Variants in GUCA1C observed in about 807,000 individuals in gnomAD.
GUCA1C encodes guanylyl cyclase-activating protein 3.
Under a neutral mutation model 16.2 loss-of-function variants are expected in GUCA1C, and 15 were observed. The observed-to-expected ratio is 0.93, with a 90% CI of 0.62 to 1.43. The LOEUF is 1.43. Ranked by LOEUF, GUCA1C falls within the 40% of genes most tolerant of loss-of-function variation. The probability of loss-of-function intolerance (pLI) is 0.00; values close to 1 mark genes in which losing one functional copy is unlikely to be tolerated. For synonymous variants in GUCA1C, 78 were observed against 85.4 expected (o/e 0.91, Z 0.48); for missense variants, 275 against 244.8 (o/e 1.12, Z -0.82).
intron 1 of GUCA1C, among the ~76,000 whole-genome samples, chr3:108,938,169 A>G (rs1946748251): frequency 6.6e-6 from 1 of 152,232 alleles, no homozygotes; most frequent in Non-Finnish European, 1.5e-5. Flanking sequence ...TCCATCTCCA[A>G]CAAAAATTCA....
intron 1 of GUCA1C, among the ~76,000 whole-genome samples, chr3:108,928,361 G>A (rs1013049356): frequency 3.9e-5 from 6 of 152,146 alleles, no homozygotes; most frequent in Non-Finnish European, 7.3e-5. Context: ...CATCAGCTAT[G>A]TTTTTTGCAG....
intron 1 of GUCA1C, among the ~76,000 whole-genome samples, chr3:108,942,575 C>A (rs564526196): frequency 3.9e-5 from 6 of 152,298 alleles, no homozygotes; most frequent in Non-Finnish European, 7.3e-5. Context: ...TTTTTCTATT[C>A]TTACCTGCCC....
rs1265768088 is a variant in GUCA1C, at chr3:108,953,648, C to T, written c.115G>A (p.Glu39Lys). 1 of 1,613,076 alleles carries T rather than the reference C, an allele frequency of 6.2e-7. No individual in the cohort carries two copies. The change falls in exon 1 of 4, where the codon GAA becomes AAA. Residue 39 changes from glutamate to lysine, a missense_variant. By Grantham distance (56) the Glu-to-Lys change is moderately conservative. Transcript: ENST00000261047. ...EYPSGLQTLHEFKTLLGLQGL... is the reference protein window; with the variant it reads ...EYPSGLQTLHKFKTLLGLQGL... Reference sequence around the variant, plus strand: ...TGCAGACCCAAAAGTGTCTTAAATTCATGTAGTGTTTGCAGGCCGGATGGA... The same window carrying T: ...TGCAGACCCAAAAGTGTCTTAAATTTATGTAGTGTTTGCAGGCCGGATGGA...
At position 108,932,323 on chromosome 3, in the gene GUCA1C, CAAAAAAA is replaced by C. The variant is rs71106610; in HGVS notation, c.205-11745_205-11739del. On this transcript the variant is annotated intron_variant, in intron 1 of 3. Coordinates refer to ENST00000261047, the MANE Select transcript of GUCA1C (RefSeq NM_005459.4). ...ACATGCAGATTCCTAGACCTCCCAC[CAAAAAAA>C]AAAAAAAAACAAAAAAAAAAAACAG... Among the ~76,000 whole-genome samples, 332 of 102,062 alleles carry C rather than the reference CAAAAAAA, an allele frequency of 3.3e-3. 2 individuals are homozygous for C. Among genetic ancestry groups the C allele is most frequent in the African/African-American group, 0.011 (293 of 25,524 alleles). 67.0% of individuals were successfully genotyped at this position (102,062 alleles called of 152,430 possible). A position where few individuals can be genotyped will look rare whatever the true frequency, so the allele number is the denominator to read the frequency against.
At chr3:108,936,907 G>T (rs931201058) in intron 1 of GUCA1C, among the ~76,000 whole-genome samples, 5 of 152,116 alleles carry the variant, frequency 3.3e-5, no homozygotes, top group African/African-American at 1.2e-4. Flanking sequence ...CTCCTTCAGT[G>T]CCATCTGGCT....
At chr3:108,954,767 C>G (rs1393743220), upstream of GUCA1C, among the ~76,000 whole-genome samples, 1 of 145,200 alleles carries the variant, frequency 6.9e-6, no homozygotes, top group Admixed American at 7.0e-5. Flanking sequence ...GATGGAGTCT[C>G]GCTCTGTCCC....
In GUCA1C at chr3:108,916,145, T is replaced by A. The variant is rs924742881; in HGVS notation, c.424A>T (p.Ile142Phe). The A allele has an allele frequency of 1.2e-6, 2 of 1,612,722 alleles. No homozygotes were observed. The highest frequency in any genetic ancestry group is 1.7e-6 in the Non-Finnish European group (2 of 1,178,790). ...EEFINLVFHK[I>F]DINNDGELTL... ...CCATTACCATCATTGTTTATATCGA[T>A]CTTATGGAACACCAAGTTGATGAAT... is the stretch of plus-strand genomic sequence containing the variant. The change falls in exon 3 of 4, where the codon ATC (isoleucine) becomes TTC (phenylalanine). Residue 142 changes from isoleucine (I) to phenylalanine (F), a missense_variant. Transcript: ENST00000261047.
intron 1 of GUCA1C, among the ~76,000 whole-genome samples, chr3:108,937,179 CT>C (rs1946735255): frequency 6.6e-6 from 1 of 152,186 alleles, no homozygotes; most frequent in South Asian, 2.1e-4. Flanking sequence ...CCACAGCTGG[CT>C]TTTGCTGTGC....
intron 1 of GUCA1C, among the ~76,000 whole-genome samples, chr3:108,927,690 G>T (rs1046322650): frequency 5.9e-5 from 9 of 152,044 alleles, no homozygotes; most frequent in African/African-American, 1.9e-4. Context: ...GTGCTTCCTT[G>T]ATTAGCTTAA....
At chr3:108,924,645 C>G (rs1235634746) in intron 1 of GUCA1C, among the ~76,000 whole-genome samples, 1 of 152,034 alleles carries the variant, frequency 6.6e-6, no homozygotes, top group Non-Finnish European at 1.5e-5. Flanking sequence ...TAGGGTGATA[C>G]TGGCTTAATA....
chr3:108,942,030 C>T (rs931751770), intron 1 of GUCA1C, among the ~76,000 whole-genome samples: 2 of 152,178 alleles, frequency 1.3e-5, no homozygotes, highest in African/African-American at 4.8e-5. Flanking sequence ...CAATTCTCAA[C>T]TCCTTTGTTA....
At chr3:108,931,809 G>A (rs1946668718) in intron 1 of GUCA1C, among the ~76,000 whole-genome samples, 1 of 151,062 alleles carries the variant, frequency 6.6e-6, no homozygotes, top group African/African-American at 2.4e-5. Flanking sequence ...ATGCAATAGA[G>A]AAAGCCCAAA....
chr3:108,954,735 CTT>C (rs35104093), upstream of GUCA1C, among the ~76,000 whole-genome samples: 22,188 of 128,630 alleles, frequency 0.17, 1,454 homozygotes, highest in Middle Eastern at 0.24. Flanking sequence ...TATAGTTCTC[CTT>C]TTTTTTTTTT....
intron 1 of GUCA1C, among the ~76,000 whole-genome samples, chr3:108,939,324 CTTTTTTTTT>C (rs549981150): frequency 2.1e-4 from 7 of 32,912 alleles, no homozygotes; most frequent in Admixed American, 4.5e-4. Context: ...TGCTTCAAGG[CTTTTTTTTT>C]TTTTTTTTTT....
In GUCA1C at chr3:108,930,456, T is replaced by A. The variant is rs185227952; in HGVS notation, c.205-9871A>T. Among the ~76,000 whole-genome samples, 362 of 152,382 alleles carry A rather than the reference T, an allele frequency of 2.4e-3. 1 individual carries two copies. Among genetic ancestry groups the A allele is most frequent in the Non-Finnish European group, 3.9e-3 (266 of 68,038 alleles). ...GGCTATTTGGCTTTTTAAAAGTTTT[T>A]AAAAATAAGATTACCACAATATTTC... On this transcript the variant is annotated intron_variant, in intron 1 of 3. Transcript: ENST00000261047.
chr3:108,937,575 G>A (rs1946738273), intron 1 of GUCA1C, among the ~76,000 whole-genome samples: 1 of 152,200 alleles, frequency 6.6e-6, no homozygotes. Context: ...ATGGGAAACA[G>A]ACTGAACTAA....
intron 1 of GUCA1C, among the ~76,000 whole-genome samples, chr3:108,926,743 G>A (rs1300458672): frequency 6.7e-6 from 1 of 150,330 alleles, no homozygotes; most frequent in Non-Finnish European, 1.5e-5. Context: ...GCCTCCCAAA[G>A]TGCTGGGATT....
At chr3:108,920,351 T>C (rs533623336) in intron 2 of GUCA1C, 85 bp downstream of exon 2, 37 of 968,442 alleles carry the variant, frequency 3.8e-5, no homozygotes, top group Non-Finnish European at 5.0e-5. Flanking sequence ...GCCAACCCCA[T>C]AGACAGCTGT....
intron 1 of GUCA1C, among the ~76,000 whole-genome samples, chr3:108,920,849 C>G (rs1236351882): frequency 6.6e-6 from 1 of 152,104 alleles, no homozygotes; most frequent in African/African-American, 2.4e-5. Flanking sequence ...ATGGAAGCTA[C>G]AGAGGTTTCC....
Sources: gnomAD v4.1 joint callset for allele counts (sites outside exome capture counted in the v4.1 genomes callset) on GRCh38, gnomAD v4.1.1 for gene constraint, MANE v1.5 for transcripts, NCBI Gene and HGNC (gene_info 2026-07-23, HGNC 2026-07-21) for gene names.